GREB1L: variants seen among roughly 807,000 people sequenced by gnomAD.
The protein encoded by GREB1L is GREB1-like protein.
GREB1L carries 17 observed loss-of-function variants against 200.8 expected under a neutral mutation model. The ratio of observed to expected loss-of-function variants is 0.08; its 90% confidence interval spans 0.06 to 0.13. GREB1L has a LOEUF of 0.13. Ranked by LOEUF, GREB1L falls within the 10% of genes least tolerant of loss-of-function variation. The pLI, the probability that GREB1L is intolerant of heterozygous loss-of-function variation, is 1.00. For synonymous variants in GREB1L, 789 were observed against 893.0 expected, an observed-to-expected ratio of 0.88 and a Z score of 2.08; for missense variants, 1,657 against 2,367.7, an observed-to-expected ratio of 0.70 and a Z score of 6.23.
chr18:21,252,489 G>C (rs2037725309), intron 1 of GREB1L, among the ~76,000 whole-genome samples: 1 of 151,112 alleles, frequency 6.6e-6, no homozygotes, highest in Non-Finnish European at 1.5e-5. Context: ...CCAGGGAGGC[G>C]GAGGTTGCGG....
chr18:21,398,350 G>A (rs1426090114), intron 5 of GREB1L, among the ~76,000 whole-genome samples: 2 of 152,170 alleles, frequency 1.3e-5, no homozygotes, highest in Non-Finnish European at 2.9e-5. Flanking sequence ...ATGAGATGAT[G>A]TCCTTAAAGC....
intron 1 of GREB1L, among the ~76,000 whole-genome samples, chr18:21,268,560 C>CACATATATATATATATATATAT (rs1204514384): frequency 1.6e-5 from 1 of 63,534 alleles, no homozygotes; most frequent in Non-Finnish European, 2.7e-5. Context: ...CACACACACA[C>CACATATATATATATATATATAT]ATATATATAT....
intron 30 of GREB1L, 35 bp from the exon 31 acceptor site, chr18:21,517,999 C>CA (rs560831222): frequency 6.7e-7 from 1 of 1,503,364 alleles, no homozygotes; most frequent in South Asian, 1.2e-5. Flanking sequence ...CAGTGACAGA[C>CA]AAGTTTCCCA....
intron 15 of GREB1L, among the ~76,000 whole-genome samples, chr18:21,460,483 T>A (rs1412468734): frequency 6.6e-6 from 1 of 152,128 alleles, no homozygotes; most frequent in Admixed American, 6.5e-5. Flanking sequence ...GTAGCTGGGA[T>A]TACAGGCATG....
At chr18:21,380,168 A>T (rs1485250560) in intron 2 of GREB1L, 1 of 152,220 alleles carries the variant, frequency 6.6e-6, no homozygotes, top group Non-Finnish European at 1.5e-5. Context: ...GATGGAAATC[A>T]TCGCATACTA....
At chr18:21,454,766 A>G in intron 15 of GREB1L, 1 of 589,030 alleles carries the variant, frequency 1.7e-6, no homozygotes, top group Non-Finnish European at 3.0e-6. Context: ...GTCAAGGGTA[A>G]ATTGTTGTGC....
At chr18:21,474,958 C>T (rs1195999882) in intron 16 of GREB1L, among the ~76,000 whole-genome samples, 2 of 152,188 alleles carry the variant, frequency 1.3e-5, no homozygotes, top group African/African-American at 2.4e-5. Context: ...ATTCAATCAT[C>T]TCCCACCGGG....
chr18:21,448,261 T>C (rs190868292), intron 11 of GREB1L, among the ~76,000 whole-genome samples: 83 of 152,088 alleles, frequency 5.5e-4, no homozygotes, highest in African/African-American at 2.0e-3. Flanking sequence ...GAGAAAAATC[T>C]GTTTATGAGA....
At chr18:21,360,385 A>ATT (rs59582263) in intron 1 of GREB1L, among the ~76,000 whole-genome samples, 65 of 146,008 alleles carry the variant, frequency 4.5e-4, no homozygotes, top group African/African-American at 1.6e-3. Flanking sequence ...CACCTAGCTA[A>ATT]TTTTTTTTTT....
At chr18:21,309,472 C>T (rs1372943109) in intron 1 of GREB1L, among the ~76,000 whole-genome samples, 2 of 152,198 alleles carry the variant, frequency 1.3e-5, no homozygotes, top group Non-Finnish European at 2.9e-5. Flanking sequence ...GAACAAGAGA[C>T]ATCATCACTC....
intron 23 of GREB1L, among the ~76,000 whole-genome samples, 194 bp downstream of exon 23, chr18:21,500,836 A>T (rs2036758625): frequency 6.6e-6 from 1 of 152,218 alleles, no homozygotes; most frequent in Non-Finnish European, 1.5e-5. Context: ...TGGGAGGTCA[A>T]GGCGGGTGGA....
intron 1 of GREB1L, among the ~76,000 whole-genome samples, chr18:21,327,669 AAAG>A (rs1292230312): frequency 2.7e-5 from 4 of 150,874 alleles, no homozygotes; most frequent in Admixed American, 6.6e-5. Flanking sequence ...AAAAAGGAAG[AAAG>A]AAGAAGGCCC....
intron 11 of GREB1L, among the ~76,000 whole-genome samples, chr18:21,448,456 A>T (rs1160079699): frequency 6.6e-6 from 1 of 152,168 alleles, no homozygotes; most frequent in African/African-American, 2.4e-5. Flanking sequence ...AACCACTTAG[A>T]TCCCTATTAG....
intron 1 of GREB1L, among the ~76,000 whole-genome samples, chr18:21,270,438 G>A (rs1484252897): frequency 1.3e-5 from 2 of 152,130 alleles, no homozygotes; most frequent in Non-Finnish European, 2.9e-5. Flanking sequence ...TGCGCTGTTA[G>A]GATTATCATC....
At chr18:21,272,282 A>G (rs1450814769) in intron 1 of GREB1L, among the ~76,000 whole-genome samples, 1 of 152,174 alleles carries the variant, frequency 6.6e-6, no homozygotes, top group Non-Finnish European at 1.5e-5. Context: ...AAGAGAGCAT[A>G]TAGGGAAGGC....
chr18:21,328,186 C>A (rs565476060), intron 1 of GREB1L, among the ~76,000 whole-genome samples: 48 of 152,078 alleles, frequency 3.2e-4, no homozygotes, highest in African/African-American at 9.7e-4. Flanking sequence ...TGCCCCCCCC[C>A]GTTCCCCAGG....
chr18:21,516,798 T>C (rs1171561239), intron 30 of GREB1L, 44 bp downstream of exon 30: 1 of 1,503,608 alleles, frequency 6.7e-7, no homozygotes, highest in East Asian at 2.5e-5. Context: ...ATAAGCACAA[T>C]GATAATGACT....
At chr18:21,391,011 A>T (rs974779547) in intron 4 of GREB1L, among the ~76,000 whole-genome samples, 2 of 152,230 alleles carry the variant, frequency 1.3e-5, no homozygotes, top group South Asian at 2.1e-4. Context: ...TGATAAAGTT[A>T]AAAAGTTACA....
At chr18:21,358,307 CTTTA>C (rs1567950211) in intron 1 of GREB1L, among the ~76,000 whole-genome samples, 1 of 151,870 alleles carries the variant, frequency 6.6e-6, no homozygotes, top group African/African-American at 2.4e-5. Flanking sequence ...TGTATGTTCT[CTTTA>C]TTTATTTATG....
Sources: allele counts gnomAD v4.1 joint callset (sites outside exome capture counted in the v4.1 genomes callset), GRCh38; gene constraint gnomAD v4.1.1; transcripts MANE v1.5; gene names NCBI Gene and HGNC (gene_info 2026-07-23, HGNC 2026-07-21).